The following ODAD2 variants were observed in gnomAD, a reference collection of about 807,000 sequenced individuals.
ODAD2 encodes the protein outer dynein arm-docking complex subunit 2.
A neutral mutation model predicts 106.8 loss-of-function variants in ODAD2; 89 were observed. That is an observed-to-expected ratio of 0.83 (90% CI 0.70 to 0.99). The LOEUF is 0.99. ODAD2 is among the 50% of genes least tolerant of loss of function. The pLI is 0.00. For missense variants in ODAD2, 1,168 were observed against 1,238.5 expected, an observed-to-expected ratio of 0.94 and a Z score of 0.85; for synonymous variants, 404 against 436.2, an observed-to-expected ratio of 0.93 and a Z score of 0.92.
intron 19 of ODAD2, among the ~76,000 whole-genome samples, chr10:27,837,150 T>C (rs747118230): frequency 5.3e-5 from 8 of 152,202 alleles, no homozygotes; most frequent in Non-Finnish European, 1.2e-4. Context: ...CACCAGCATC[T>C]CGGCTGCCTC....
At chr10:27,941,339 G>A (rs966049992) in intron 12 of ODAD2, among the ~76,000 whole-genome samples, 1 of 143,354 alleles carries the variant, frequency 7.0e-6, no homozygotes, top group African/African-American at 2.6e-5. Context: ...AAAAAAAAAA[G>A]CTGGATGTGG....
chr10:27,843,301 G>C (rs1345320227), intron 19 of ODAD2, among the ~76,000 whole-genome samples: 1 of 152,194 alleles, frequency 6.6e-6, no homozygotes, highest in African/African-American at 2.4e-5. Context: ...AGATCGAGCT[G>C]AATCAATAGT....
intron 17 of ODAD2, among the ~76,000 whole-genome samples, chr10:27,903,860 T>C (rs1843389933): frequency 6.6e-6 from 1 of 152,182 alleles, no homozygotes; most frequent in East Asian, 1.9e-4. Flanking sequence ...ATGAGTTCTA[T>C]GGTCACACCA....
intron 14 of ODAD2, among the ~76,000 whole-genome samples, chr10:27,937,794 G>C (rs989446702): frequency 2.0e-5 from 3 of 152,052 alleles, no homozygotes; most frequent in African/African-American, 7.2e-5. Context: ...TTTCAATTCT[G>C]GATTACAGGC....
intron 19 of ODAD2, among the ~76,000 whole-genome samples, chr10:27,816,035 G>A (rs757601344): frequency 6.6e-6 from 1 of 152,028 alleles, no homozygotes; most frequent in Non-Finnish European, 1.5e-5. Context: ...GGAAATCTGC[G>A]TGCCTCACAC....
At chr10:27,890,511 G>T (rs994846659) in intron 17 of ODAD2, among the ~76,000 whole-genome samples, 1 of 152,064 alleles carries the variant, frequency 6.6e-6, no homozygotes, top group Non-Finnish European at 1.5e-5. Context: ...AATGCTTTTC[G>T]TTGTAAGTTA....
intron 19 of ODAD2, among the ~76,000 whole-genome samples, chr10:27,835,664 A>G (rs1254367697): frequency 6.6e-6 from 1 of 152,226 alleles, no homozygotes; most frequent in Non-Finnish European, 1.5e-5. Context: ...TATATACTGT[A>G]TTCTTAAAAT....
rs368560892 is a variant in ODAD2, at chr10:27,940,797, T to C, written c.1752A>G (p.Leu584=). 3 of 1,613,758 alleles carry C rather than the reference T, an allele frequency of 1.9e-6. No homozygotes were observed. Among genetic ancestry groups the C allele is most frequent in the Non-Finnish European group, 2.5e-6 (3 of 1,179,772 alleles). Reference sequence around the variant, plus strand: ...TTGTGGAATCATGTGCACAGTCTAGTAGAGCAACCTATAATAATAGATAAA... The same window carrying C: ...TTGTGGAATCATGTGCACAGTCTAGCAGAGCAACCTATAATAATAGATAAA... ...QHGGITKLVA[L]LDCAHDSTKP... Residue 584 remains leucine (L), a synonymous_variant, in exon 13 of 20, where the codon CTA becomes CTG. Coordinates refer to ENST00000305242, the MANE Select transcript of ODAD2 (RefSeq NM_018076.5).
At chr10:27,966,616 C>T (rs1443758318) in intron 9 of ODAD2, among the ~76,000 whole-genome samples, 1 of 152,178 alleles carries the variant, frequency 6.6e-6, no homozygotes, top group African/African-American at 2.4e-5. Flanking sequence ...AATTGATCTA[C>T]AAACTCCACC....
At chr10:27,838,570 C>A (rs555447440) in intron 19 of ODAD2, among the ~76,000 whole-genome samples, 1 of 152,202 alleles carries the variant, frequency 6.6e-6, no homozygotes, top group South Asian at 2.1e-4. Flanking sequence ...AGGGCCAAGT[C>A]GGAAGGAAAA....
intron 16 of ODAD2, among the ~76,000 whole-genome samples, chr10:27,925,873 A>T (rs573587557): frequency 6.6e-6 from 1 of 152,048 alleles, no homozygotes; most frequent in Non-Finnish European, 1.5e-5. Flanking sequence ...AATTTAAAGA[A>T]TAAGAATTTT....
At chr10:27,863,265 C>A (rs1289965412) in intron 17 of ODAD2, among the ~76,000 whole-genome samples, 2 of 152,134 alleles carry the variant, frequency 1.3e-5, no homozygotes, top group African/African-American at 2.4e-5. Flanking sequence ...CACCTCAGCA[C>A]CACATCTGGG....
At chr10:27,900,027 CTCCCA>C (rs1843091601) in intron 17 of ODAD2, among the ~76,000 whole-genome samples, 1 of 152,184 alleles carries the variant, frequency 6.6e-6, no homozygotes, top group African/African-American at 2.4e-5. Context: ...TGGGAGACAC[CTCCCA>C]GCAGGGGTGG....
chr10:27,918,957 C>A (rs7900709), intron 16 of ODAD2, among the ~76,000 whole-genome samples: 3,180 of 149,454 alleles, frequency 0.021, 86 homozygotes, highest in African/African-American at 0.065. Flanking sequence ...ATCACAAAAC[C>A]ACAAATAAGT....
chr10:27,813,240 C>T (rs1282492208), intron 19 of ODAD2: 1 of 152,196 alleles, frequency 6.6e-6, no homozygotes. Flanking sequence ...CCTTCTCTGG[C>T]TTGGTCAATT....
At chr10:27,907,886 G>T (rs1843714627) in intron 16 of ODAD2, 109 bp from the exon 17 acceptor site, 26 of 717,998 alleles carry the variant, frequency 3.6e-5, no homozygotes, top group Middle Eastern at 4.3e-4. Flanking sequence ...ATTTTGCTTA[G>T]AATTTTTTTT....
intron 19 of ODAD2, among the ~76,000 whole-genome samples, chr10:27,848,894 A>G (rs530708381): frequency 6.6e-6 from 1 of 152,360 alleles, no homozygotes; most frequent in East Asian, 1.9e-4. Context: ...TTAAAAAGTC[A>G]GGAAACAACA....
intron 19 of ODAD2, among the ~76,000 whole-genome samples, chr10:27,850,572 A>T (rs986244191): frequency 6.6e-6 from 1 of 152,088 alleles, no homozygotes; most frequent in East Asian, 1.9e-4. Flanking sequence ...ATAAATAAAC[A>T]TCTACATAAA....
intron 16 of ODAD2, among the ~76,000 whole-genome samples, chr10:27,929,585 G>A (rs1845473827): frequency 6.6e-6 from 1 of 152,108 alleles, no homozygotes; most frequent in Admixed American, 6.6e-5. Flanking sequence ...TTGGTTGACT[G>A]GGATTTTGTC....
Sources: gnomAD v4.1 joint callset for allele counts (sites outside exome capture counted in the v4.1 genomes callset) on GRCh38, gnomAD v4.1.1 for gene constraint, MANE v1.5 for transcripts, NCBI Gene and HGNC (gene_info 2026-07-23, HGNC 2026-07-21) for gene names.